The following GPHN variants were observed in gnomAD, a reference collection of about 807,000 sequenced individuals.
GPHN encodes gephyrin.
Under a neutral mutation model 95.5 loss-of-function variants are expected in GPHN, and 17 were observed. The observed-to-expected ratio is 0.18, with a 90% CI of 0.12 to 0.27. GPHN has a LOEUF of 0.27. Ranked by LOEUF, GPHN falls within the 10% of genes least tolerant of loss-of-function variation. GPHN has a pLI of 1.00. For synonymous variants in GPHN, 320 were observed against 322.5 expected (o/e 0.99, Z 0.08); for missense variants, 660 against 978.1 (o/e 0.67, Z 4.34).
the GPHN span, chr14:67,557,233 G>A: frequency 1.2e-6 from 2 of 1,601,196 alleles, no homozygotes; most frequent in East Asian, 2.2e-5. Flanking sequence ...CCGTGTGAGT[G>A]ATGGGAAGAC....
intron 1 of GPHN, among the ~76,000 whole-genome samples, chr14:66,514,814 GTCTT>G (rs1384010158): frequency 6.6e-6 from 1 of 151,994 alleles, no homozygotes. Context: ...CTTCAATGAT[GTCTT>G]TCTTTGTTTT....
chr14:67,310,013 A>G, the GPHN span, among the ~76,000 whole-genome samples: 1 of 147,848 alleles, frequency 6.8e-6, no homozygotes, highest in Non-Finnish European at 1.5e-5. Flanking sequence ...TTGGCAAAAA[A>G]GTAACAAACA....
At chr14:67,374,222 G>A in the GPHN span, among the ~76,000 whole-genome samples, 1 of 152,126 alleles carries the variant, frequency 6.6e-6, no homozygotes, top group African/African-American at 2.4e-5. Flanking sequence ...TCAGATTCGG[G>A]ATGCTCTAAC....
chr14:67,087,037 C>CAA (rs60067524), intron 11 of GPHN, among the ~76,000 whole-genome samples: 3,242 of 77,060 alleles, frequency 0.042, 93 homozygotes, highest in Middle Eastern at 0.075. Flanking sequence ...GACTCTGTCT[C>CAA]AAAAAAAAAA....
chr14:67,636,515 T>C, the GPHN span, among the ~76,000 whole-genome samples: 1 of 152,228 alleles, frequency 6.6e-6, no homozygotes, highest in Non-Finnish European at 1.5e-5. Context: ...TCTGGCTTCT[T>C]TCAGGGATTT....
At chr14:67,141,400 C>T (rs8010261) in intron 17 of GPHN, among the ~76,000 whole-genome samples, 50,451 of 152,060 alleles carry the variant, frequency 0.33, 13,474 homozygotes, top group African/African-American at 0.72. Flanking sequence ...ATGCTATAGT[C>T]GAACTTTGCC....
At chr14:66,718,583 A>G (rs2070421220) in intron 2 of GPHN, among the ~76,000 whole-genome samples, 1 of 152,110 alleles carries the variant, frequency 6.6e-6, no homozygotes, top group Non-Finnish European at 1.5e-5. Flanking sequence ...GGCCCTGCCC[A>G]TGTCCTGCTG....
intron 4 of GPHN, among the ~76,000 whole-genome samples, chr14:66,834,691 A>T (rs1041434930): frequency 6.6e-6 from 1 of 151,948 alleles, no homozygotes; most frequent in African/African-American, 2.4e-5. Flanking sequence ...ATCAATGTTC[A>T]TCAAGGGTAT....
the GPHN span, among the ~76,000 whole-genome samples, chr14:67,582,968 G>T: frequency 1.3e-5 from 2 of 152,194 alleles, no homozygotes; most frequent in Non-Finnish European, 2.9e-5. This position sits in a 1 kb window ranked among gnomAD's most constrained non-coding sequence, Gnocchi z 5.0. Context: ...GACCTTCTAA[G>T]TAGACTTAGG....
At chr14:67,089,125 C>CTTTTTTTATTTTTTTTTTT in intron 12 of GPHN, 50 bp downstream of exon 12, 2 of 326,492 alleles carry the variant, frequency 6.1e-6, no homozygotes, top group Non-Finnish European at 1.2e-5. Flanking sequence ...ATTTTTTTTT[C>CTTTTTTTATTTTTTTTTTT]TTTTTTTCTT....
chr14:66,542,281 A>G (rs1201506978), intron 1 of GPHN, among the ~76,000 whole-genome samples: 1 of 152,138 alleles, frequency 6.6e-6, no homozygotes, highest in Non-Finnish European at 1.5e-5. Context: ...TGGCATTCAT[A>G]TTGTATTTTC....
At chr14:67,648,026 T>C in the GPHN span, 4 of 1,581,006 alleles carry the variant, frequency 2.5e-6, no homozygotes, top group South Asian at 3.4e-5. Flanking sequence ...TTAAGTATTA[T>C]TTTATCCTCT....
rs142230772 is a variant in GPHN, at chr14:66,552,079, G to T, written c.64+43488G>T. Among the ~76,000 whole-genome samples the T allele has an allele frequency of 7.5e-3, 1,149 of 152,268 alleles. 9 individuals carry two copies. Among genetic ancestry groups the T allele is most frequent in the Non-Finnish European group, 0.01 (709 of 68,016 alleles). On this transcript the variant is annotated intron_variant, in intron 1 of 22. Transcript: ENST00000478722. ...GATTCTATAATCTAAAAATCATGAA[G>T]TCATCTTAGACACCTCCCTTTCATT...
At chr14:67,135,940 A>G (rs117561675) in intron 17 of GPHN, among the ~76,000 whole-genome samples, 1,832 of 152,262 alleles carry the variant, frequency 0.012, 19 homozygotes, top group Non-Finnish European at 0.018. Context: ...CAAGCAACTA[A>G]TTGAATTTTT....
chr14:67,389,524 T>C, the GPHN span, among the ~76,000 whole-genome samples: 1 of 152,206 alleles, frequency 6.6e-6, no homozygotes, highest in African/African-American at 2.4e-5. Context: ...TTGCTTTGAG[T>C]AATCTCTTCT....
intron 8 of GPHN, among the ~76,000 whole-genome samples, chr14:66,938,664 A>G (rs1484174047): frequency 6.6e-6 from 1 of 152,168 alleles, no homozygotes; most frequent in Non-Finnish European, 1.5e-5. Context: ...AGTATTTGGT[A>G]CAATTCTTTC....
chr14:67,353,156 T>C, the GPHN span: 1 of 732,780 alleles, frequency 1.4e-6, no homozygotes, highest in South Asian at 2.2e-5. Context: ...AAAGTGAGAC[T>C]ATATAGAGAA....
chr14:66,739,311 G>A (rs987251704), intron 2 of GPHN, among the ~76,000 whole-genome samples: 7 of 149,358 alleles, frequency 4.7e-5, no homozygotes, highest in Admixed American at 6.7e-5. Context: ...CTGCCTCCCA[G>A]GTTCATGCCA....
At chr14:67,498,290 G>A in the GPHN span, among the ~76,000 whole-genome samples, 1 of 152,030 alleles carries the variant, frequency 6.6e-6, no homozygotes, top group African/African-American at 2.4e-5. Context: ...ATGGGGGGTG[G>A]GCAATCACTC....
Sources: allele counts gnomAD v4.1 joint callset (sites outside exome capture counted in the v4.1 genomes callset), GRCh38; gene constraint gnomAD v4.1.1; non-coding constraint Gnocchi (gnomAD v3.1); transcripts MANE v1.5; gene names NCBI Gene and HGNC (gene_info 2026-07-23, HGNC 2026-07-21).